NOTCH4: variants seen among roughly 807,000 people sequenced by gnomAD.
NOTCH4 encodes the protein neurogenic locus notch homolog protein 4.
A neutral mutation model predicts 189.0 loss-of-function variants in NOTCH4; 138 were observed. The ratio of observed to expected loss-of-function variants is 0.73; its 90% CI spans 0.64 to 0.84. The LOEUF (loss-of-function observed/expected upper bound fraction) is 0.84. Among genes scored for constraint, NOTCH4 ranks in the 40% least tolerant of loss-of-function variants. NOTCH4 has a pLI of 0.00. For synonymous variants in NOTCH4, 942 were observed against 1,032.8 expected, an observed-to-expected ratio of 0.91 and a Z score of 1.69; for missense variants, 2,286 against 2,605.4, an observed-to-expected ratio of 0.88 and a Z score of 2.67.
chr6:32,221,172 G>A lies in NOTCH4; in HGVS notation c.605C>T (p.Pro202Leu). The change falls in exon 4 of 30, where the codon CCA becomes CTA. Residue 202 changes from proline (P) to leucine (L), a missense_variant. This residue lies in a region of NOTCH4 where 1,903 missense variants were observed against 2,261.9 expected (regional missense o/e 0.84). Transcript: ENST00000375023. The surrounding 1 kb of genome is among the most constrained non-coding windows in gnomAD (Gnocchi z 4.3). ...GGAGGTGCCTTTGGGGCAGGGTCCT[G>A]GGTCCTGGAAGCACTCGTTGACATC... ...ERDVNECFQDPGPCPKGTSCH... is the reference protein window; with the variant it reads ...ERDVNECFQDLGPCPKGTSCH... 1 of 1,613,106 alleles carries A rather than the reference G, an allele frequency of 6.2e-7. No homozygotes were observed. The highest frequency in any genetic ancestry group is 8.5e-7 in the Non-Finnish European group (1 of 1,180,024).
intron 1 of NOTCH4, among the ~76,000 whole-genome samples, chr6:32,223,370 G>A (rs1406748982): frequency 6.6e-6 from 1 of 152,138 alleles, no homozygotes; most frequent in African/African-American, 2.4e-5. Flanking sequence ...TCAGAAGAGG[G>A]GCGGAGGTGG....
At position 32,220,782 on chromosome 6, in the gene NOTCH4, G is replaced by A. The variant is rs1363046520; in HGVS notation, c.896C>T (p.Thr299Ile). 1.9e-6 allele frequency: 3 copies of A among 1,614,046 alleles called. No individual in the cohort carries two copies. The highest frequency in any genetic ancestry group is 3.3e-5 in the Admixed American group (2 of 60,004). The change falls in exon 5 of 30, where the codon ACC becomes ATC. Residue 299 changes from threonine to isoleucine, a missense_variant. Around this residue, in one of 2 missense-constraint regions of NOTCH4, gnomAD observed 1,903 missense variants for 2,261.9 expected, o/e 0.84. Transcript: ENST00000375023. The stretch of plus-strand genomic sequence containing the variant: ...TGTCCAGGTTTCTGGGCAGAGGCAG[G>A]TGTAGGTGTCCAGCCCATCCTGGCA... ...GTCQDGLDTYTCLCPETWTGW... is the reference protein window; with the variant it reads ...GTCQDGLDTYICLCPETWTGW...
Position 32,210,682 on chromosome 6 carries a change from C to A in NOTCH4, c.2865+70G>T. 1 of 1,463,180 alleles carries A rather than the reference C, an allele frequency of 6.8e-7. No individual in the cohort carries two copies. The highest frequency in any genetic ancestry group is 9.5e-7 in the Non-Finnish European group (1 of 1,049,722). The allele number at this position is 1,463,180 out of a possible 1,614,324, so 90.6% of individuals were successfully genotyped here. A position where few individuals can be genotyped will look rare whatever the true frequency, so the allele number is the denominator to read the frequency against. ...GAAATGGATACATTGGGTCTTCCCT[C>A]AGTCACTACTGTCTCTCCCATCCAG... On this transcript the variant is annotated intron_variant, in intron 18 of 29. Transcript: ENST00000375023. This position sits in a 1 kb window ranked among gnomAD's most constrained non-coding sequence, Gnocchi z 4.8.
At chr6:32,205,202 A>C (rs1455896273) in intron 18 of NOTCH4, among the ~76,000 whole-genome samples, 3 of 151,544 alleles carry the variant, frequency 2.0e-5, no homozygotes, top group African/African-American at 7.2e-5. Flanking sequence ...GAGTGGTCAG[A>C]GAGCTGGAAG....
In NOTCH4 at chr6:32,212,742, A is replaced by G. The variant is rs113121059; in HGVS notation, c.2526+82T>C. On this transcript the variant is annotated intron_variant, in intron 16 of 29. Transcript: ENST00000375023. This position sits in a 1 kb window ranked among gnomAD's most constrained non-coding sequence, Gnocchi z 4.4. Reference sequence around the variant, plus strand: ...CCTTACTTCAAAAACCTTCTCCTGAATGGCCTGGGACCAGGTGACCCTCCC... The same window carrying G: ...CCTTACTTCAAAAACCTTCTCCTGAGTGGCCTGGGACCAGGTGACCCTCCC... The G allele has an allele frequency of 2.1e-5, 31 of 1,468,212 alleles. No homozygotes were observed. The African/African-American group carries it at 3.1e-4, about 15-fold the overall frequency. 90.9% of individuals were successfully genotyped at this position (1,468,212 alleles called of 1,614,324 possible). A position where few individuals can be genotyped will look rare whatever the true frequency, so the allele number is the denominator to read the frequency against.
rs779190835 is a variant in NOTCH4, at chr6:32,195,545, C to G, written c.5904G>C (p.Pro1968=). The change falls in exon 30 of 30, where the codon CCG becomes CCC. Residue 1968 remains proline (P), a synonymous_variant. Coordinates refer to ENST00000375023, the MANE Select transcript of NOTCH4 (RefSeq NM_004557.4). This position sits in a 1 kb window ranked among gnomAD's most constrained non-coding sequence, Gnocchi z 5.4. ...ACGSASNIPI[P]PPCLTPSPER... is the part of the protein sequence containing the mutation. ...CCGGGGACGGAGTAAGGCAAGGAGG[C>G]GGGATCGGAATGTTGGAGGCAGAAC... 6.8e-6 allele frequency: 11 copies of G among 1,613,102 alleles called. No individual in the cohort carries two copies. The highest frequency in any genetic ancestry group is 1.7e-5 in the Admixed American group (1 of 60,028).
At chr6:32,204,547 T>G (rs1465033194) in intron 18 of NOTCH4, among the ~76,000 whole-genome samples, 158 bp from the exon 19 acceptor site, 1 of 152,144 alleles carries the variant, frequency 6.6e-6, no homozygotes, top group Non-Finnish European at 1.5e-5. Context: ...AATCCTTCTA[T>G]CTCAACTCCC....
chr6:32,195,159 C>T lies in NOTCH4; in HGVS notation c.*278G>A, dbSNP rs1377886789. ...ATATGCCTGCAATTCTTGGTTCCAA[C>T]TTAGGGGTATTTCCACTCCACTCTG... On this transcript the variant is annotated 3_prime_UTR_variant, in exon 30 of 30. Coordinates refer to ENST00000375023, the MANE Select transcript of NOTCH4 (RefSeq NM_004557.4). This position sits in a 1 kb window ranked among gnomAD's most constrained non-coding sequence, Gnocchi z 5.4. 2 of 463,894 alleles carry T rather than the reference C, an allele frequency of 4.3e-6. No homozygotes were observed. Among genetic ancestry groups the T allele is most frequent in the Non-Finnish European group, 3.8e-6 (1 of 263,458 alleles). 28.7% of individuals were successfully genotyped at this position (463,894 alleles called of 1,614,324 possible).
Position 32,201,582 on chromosome 6 carries a change from T to A in NOTCH4, c.3756-82A>T, listed in dbSNP as rs1788357832. 1.4e-6 allele frequency: 2 copies of A among 1,398,192 alleles called. No homozygotes were observed. Among genetic ancestry groups the A allele is most frequent in the Non-Finnish European group, 1.9e-6 (2 of 1,068,052 alleles). The allele number at this position is 1,398,192 out of a possible 1,614,324, so 86.6% of individuals were successfully genotyped here. ...ACCCTAGAAAGAATTCCCCATATTTTGTGCCCTCTAGGGCTTTGGTTGCTA... is the reference window on the plus strand; with the variant it reads ...ACCCTAGAAAGAATTCCCCATATTTAGTGCCCTCTAGGGCTTTGGTTGCTA... On this transcript the variant is annotated intron_variant, in intron 21 of 29. Transcript: ENST00000375023. This position sits in a 1 kb window ranked among gnomAD's most constrained non-coding sequence, Gnocchi z 5.5.
intron 18 of NOTCH4, among the ~76,000 whole-genome samples, chr6:32,207,520 A>G (rs192841784): frequency 2.0e-5 from 3 of 151,482 alleles, no homozygotes; most frequent in Admixed American, 6.6e-5. Flanking sequence ...GCTACTCAGG[A>G]GGCTGAGGCA....
Position 32,201,525 on chromosome 6 carries a change from C to A in NOTCH4, c.3756-25G>T, listed in dbSNP as rs1261424610. On this transcript the variant is annotated intron_variant, in intron 21 of 29. Coordinates refer to ENST00000375023, the MANE Select transcript of NOTCH4 (RefSeq NM_004557.4). The surrounding 1 kb of genome is among the most constrained non-coding windows in gnomAD (Gnocchi z 5.5). The stretch of plus-strand genomic sequence containing the variant: ...ACTGTGGGGTAAGGAGAGGGGGACT[C>A]AGGACCTCCCTAAAACCTGACTCTT... 6 of 1,450,104 alleles carry A rather than the reference C, an allele frequency of 4.1e-6. No homozygotes were observed. The highest frequency in any genetic ancestry group is 5.4e-6 in the Non-Finnish European group (6 of 1,101,246). 89.8% of individuals were successfully genotyped at this position (1,450,104 alleles called of 1,614,324 possible).
At chr6:32,211,064 G>C in intron 17 of NOTCH4, 128 bp from the exon 18 acceptor site, 1 of 836,822 alleles carries the variant, frequency 1.2e-6, no homozygotes. Flanking sequence ...TGTGAGACCA[G>C]CCTGGCAAAC....
Position 32,197,070 on chromosome 6 carries a change from A to G in NOTCH4, c.5055T>C (p.Leu1685=). 6.2e-7 allele frequency: 1 copy of G among 1,612,462 alleles called. No homozygotes were observed. Among genetic ancestry groups the G allele is most frequent in the Non-Finnish European group, 8.5e-7 (1 of 1,179,976 alleles). The change falls in exon 28 of 30, where the codon CTT becomes CTC. Residue 1685 remains leucine (L), a splice_region_variant and synonymous_variant. Coordinates refer to ENST00000375023, the MANE Select transcript of NOTCH4 (RefSeq NM_004557.4). The part of the protein sequence containing the change: ...VAADAREVCQ[L]LLRSRQTAVD... ...CTGCAGTTTGTCTGCTACGGAGCAG[A>G]AGCTGGGGAGACAGAGGGCCAGTGA...
At chr6:32,219,458 G>C (rs1789611765) in intron 8 of NOTCH4, 134 bp downstream of exon 8, 1 of 801,590 alleles carries the variant, frequency 1.2e-6, no homozygotes, top group Admixed American at 2.8e-5. Context: ...TTTTCGTCTG[G>C]GGGTAGAGAG....
rs1285423470 is a variant in NOTCH4, at chr6:32,213,801, C to G, written c.2207G>C (p.Gly736Ala). 2 of 1,611,710 alleles carry G rather than the reference C, an allele frequency of 1.2e-6. No homozygotes were observed. Reference sequence around the variant, plus strand: ...GCAGGAGCCGCCATTGAGACATGGCCCTGAGTGACAAGCTGTCATCTCCTC... The same window carrying G: ...GCAGGAGCCGCCATTGAGACATGGCGCTGAGTGACAAGCTGTCATCTCCTC... ...CSEEMTACHS[G>A]PCLNGGSCNP... is the part of the protein sequence containing the mutation. Residue 736 changes from glycine to alanine, a missense_variant, in exon 14 of 30, where the codon GGG becomes GCG. Physicochemically the swap from Gly to Ala is moderately conservative, Grantham distance 60 (BLOSUM62 0). This residue lies in a region of NOTCH4 where 1,903 missense variants were observed against 2,261.9 expected (regional missense o/e 0.84). Transcript: ENST00000375023.
Position 32,223,897 on chromosome 6 carries a change from AGCAGCAGCAGC to A in NOTCH4, c.21_31del (p.Leu8AlafsTer49). On this transcript the variant is annotated frameshift_variant, in exon 1 of 30. Transcript: ENST00000375023. LOFTEE classifies it high-confidence loss of function. ...TGAGACACATAGCAGCAGCAGCAGC[AGCAGCAGCAGC>A]AGCAGTGAAGGGGGCTGCATTCCAC... The A allele has an allele frequency of 6.2e-7, 1 of 1,601,358 alleles. No homozygotes were observed. The highest frequency in any genetic ancestry group is 1.3e-5 in the African/African-American group (1 of 74,396).
chr6:32,216,633 C>G (rs78718262), intron 11 of NOTCH4: 11,864 of 492,630 alleles, frequency 0.024, 337 homozygotes, highest in East Asian at 0.092. Flanking sequence ...GATTTGCCTC[C>G]GTATCTGGCA....
Position 32,220,654 on chromosome 6 carries a change from G to T in NOTCH4, c.923-13C>A. The T allele has an allele frequency of 6.2e-7, 1 of 1,613,092 alleles. No individual in the cohort carries two copies. Among genetic ancestry groups the T allele is most frequent in the Non-Finnish European group, 8.5e-7 (1 of 1,179,140 alleles). ...GAGCAGTCCCAGCCTGCAGGGGGTT[G>T]GGGAGGGGACGAGGGCTAAGGCTGG... On this transcript the variant is annotated splice_polypyrimidine_tract_variant and intron_variant, in intron 5 of 29. Coordinates refer to ENST00000375023, the MANE Select transcript of NOTCH4 (RefSeq NM_004557.4).
chr6:32,223,913 G>GC lies in NOTCH4; in HGVS notation c.15_16insG (p.Leu6AlafsTer55), dbSNP rs9281675. 6.3e-7 allele frequency: 1 copy of GC among 1,596,092 alleles called. No homozygotes were observed. Among genetic ancestry groups the GC allele is most frequent in the Non-Finnish European group, 8.5e-7 (1 of 1,176,816 alleles). ...AGCAGCAGCAGCAGCAGCAGCAGCA[G>GC]TGAAGGGGGCTGCATTCCACAGCCC... On this transcript the variant is annotated frameshift_variant, in exon 1 of 30. Transcript: ENST00000375023. LOFTEE classifies it high-confidence loss of function.
Sources: allele counts gnomAD v4.1 joint callset (sites outside exome capture counted in the v4.1 genomes callset), GRCh38; gene constraint gnomAD v4.1.1; regional missense constraint gnomAD v4.1.1; non-coding constraint Gnocchi (gnomAD v3.1); transcripts MANE v1.5; gene names NCBI Gene and HGNC (gene_info 2026-07-23, HGNC 2026-07-21).